The following BAZ2B variants were observed in gnomAD, a reference collection of about 807,000 sequenced individuals.
BAZ2B encodes bromodomain adjacent to zinc finger domain 2B, also known as bromodomain adjacent to zinc finger domain protein 2B.
In BAZ2B, 91 loss-of-function variants were observed where a neutral mutation model predicts 246.0. The ratio of observed to expected loss-of-function variants is 0.37; its 90% CI spans 0.31 to 0.44. The LOEUF is 0.44. Among genes scored for constraint, BAZ2B ranks in the 20% least tolerant of loss-of-function variants. The pLI is 1.00. For missense variants in BAZ2B, 2,332 were observed against 2,533.7 expected (o/e 0.92, Z 1.71); for synonymous variants, 855 against 860.0 (o/e 0.99, Z 0.10).
rs189802207 is a variant in BAZ2B, at chr2:159,555,831, A to G, written c.-11T>C. 27 of 140,360 alleles carry G rather than the reference A, an allele frequency of 1.9e-4. 1 individual carries two copies. In the East Asian group the frequency reaches 4.4e-3, roughly 23 times the overall value. The allele number at this position is 140,360 out of a possible 1,614,324, so 8.7% of individuals were successfully genotyped here. A position where few individuals can be genotyped will look rare whatever the true frequency, so the allele number is the denominator to read the frequency against. ...TATCATTTTGGTCTTACTGTGATCA[A>G]TGTGGTCAATCTTGTGACATCACTG... is the stretch of plus-strand genomic sequence containing the variant. On this transcript the variant is annotated 5_prime_UTR_variant, in exon 2 of 37. Transcript: ENST00000392783.
intron 1 of BAZ2B, among the ~76,000 whole-genome samples, chr2:159,582,165 C>G (rs889505555): frequency 3.3e-5 from 5 of 152,286 alleles, no homozygotes; most frequent in East Asian, 1.9e-4. Flanking sequence ...AATATATAAT[C>G]AAACTGCAGA....
the BAZ2B span, among the ~76,000 whole-genome samples, chr2:159,674,733 G>A: frequency 1.2e-4 from 17 of 147,192 alleles, no homozygotes; most frequent in East Asian, 2.0e-4. Flanking sequence ...AAAAAAAAAA[G>A]AATGGGGAAA....
In BAZ2B at chr2:159,446,871, T is replaced by C; in HGVS notation, c.607A>G (p.Thr203Ala). ...ASSSMGQTKSTSSGGGNRKCN... is the reference protein window; with the variant it reads ...ASSSMGQTKSASSGGGNRKCN... Reference sequence around the variant, plus strand: ...TTTCGATTTCCTCCACCTGAGCTTGTACTTTTAGTTTGTCCCATGGAACTT... The same window carrying C: ...TTTCGATTTCCTCCACCTGAGCTTGCACTTTTAGTTTGTCCCATGGAACTT... Residue 203 changes from threonine (T) to alanine (A), a missense_variant, in exon 6 of 37, where the codon ACA becomes GCA. Coordinates refer to ENST00000392783, the MANE Select transcript of BAZ2B (RefSeq NM_013450.4). 1 of 1,613,856 alleles carries C rather than the reference T, an allele frequency of 6.2e-7. No homozygotes were observed. Among genetic ancestry groups the C allele is most frequent in the Non-Finnish European group, 8.5e-7 (1 of 1,179,864 alleles).
chr2:159,567,293 T>C (rs1041776507), intron 1 of BAZ2B, among the ~76,000 whole-genome samples: 2 of 152,186 alleles, frequency 1.3e-5, no homozygotes, highest in Non-Finnish European at 2.9e-5. Flanking sequence ...GGGGGGAACC[T>C]ATAAATACAT....
the BAZ2B span, among the ~76,000 whole-genome samples, chr2:159,627,572 T>C: frequency 1.3e-5 from 2 of 152,234 alleles, no homozygotes; most frequent in East Asian, 3.9e-4. Flanking sequence ...AAAAACCACA[T>C]GATTATCTCA....
intron 31 of BAZ2B, among the ~76,000 whole-genome samples, chr2:159,339,472 T>C (rs2066257012): frequency 1.3e-5 from 2 of 152,180 alleles, no homozygotes; most frequent in South Asian, 4.1e-4. Context: ...GAGATCAAGA[T>C]AGACAACCAA....
intron 2 of BAZ2B, among the ~76,000 whole-genome samples, chr2:159,528,351 A>G (rs1029962336): frequency 6.6e-6 from 1 of 151,988 alleles, no homozygotes. Context: ...ATTTAGGGGG[A>G]AAAAAAGAAA....
intron 34 of BAZ2B, among the ~76,000 whole-genome samples, chr2:159,329,057 G>C (rs2064219571): frequency 6.6e-6 from 1 of 151,532 alleles, no homozygotes; most frequent in African/African-American, 2.4e-5. Flanking sequence ...GAACACGGGA[G>C]GTGGAGGTTG....
intron 27 of BAZ2B, 125 bp downstream of exon 27, chr2:159,372,920 G>C (rs530196951): frequency 1.4e-5 from 16 of 1,138,636 alleles, no homozygotes; most frequent in Non-Finnish European, 1.9e-5. Context: ...AAAGGAATGA[G>C]AATTAAGGTT....
chr2:159,364,407 T>C (rs1368285288), intron 27 of BAZ2B, among the ~76,000 whole-genome samples: 1 of 152,170 alleles, frequency 6.6e-6, no homozygotes, highest in Non-Finnish European at 1.5e-5. Context: ...CTTTTTTTCT[T>C]TTCGAGACAG....
At chr2:159,465,133 C>T (rs985786121) in intron 3 of BAZ2B, among the ~76,000 whole-genome samples, 2 of 152,130 alleles carry the variant, frequency 1.3e-5, no homozygotes, top group African/African-American at 2.4e-5. Context: ...GTCAACAAGG[C>T]CATGTTCCTT....
the BAZ2B span, among the ~76,000 whole-genome samples, chr2:159,652,046 C>T: frequency 6.6e-6 from 1 of 152,060 alleles, no homozygotes; most frequent in African/African-American, 2.4e-5. Flanking sequence ...TTATTCCACT[C>T]TTTTGGGTAT....
chr2:159,486,703 C>T (rs1275252582), intron 2 of BAZ2B, among the ~76,000 whole-genome samples: 1 of 150,832 alleles, frequency 6.6e-6, no homozygotes, highest in African/African-American at 2.4e-5. Flanking sequence ...TAGAAATATA[C>T]TCAAACACAT....
chr2:159,402,911 A>T (rs1172552310), intron 16 of BAZ2B, among the ~76,000 whole-genome samples: 1 of 152,246 alleles, frequency 6.6e-6, no homozygotes, highest in East Asian at 1.9e-4. Context: ...TCATTAAAAA[A>T]TCATAAAAGC....
chr2:159,462,742 A>C (rs2076566280), intron 3 of BAZ2B: 2 of 1,427,974 alleles, frequency 1.4e-6, no homozygotes, highest in Non-Finnish European at 2.0e-6. Context: ...ATCTCCAACG[A>C]CCATTCCAGA....
intron 2 of BAZ2B, among the ~76,000 whole-genome samples, chr2:159,511,663 C>G (rs182783826): frequency 1.3e-4 from 20 of 152,206 alleles, no homozygotes; most frequent in Admixed American, 2.6e-4. Context: ...CCAAATAAAA[C>G]AAATTTTAAA....
At chr2:159,334,479 C>A (rs977815048) in intron 33 of BAZ2B, among the ~76,000 whole-genome samples, 2 of 152,110 alleles carry the variant, frequency 1.3e-5, no homozygotes, top group Non-Finnish European at 2.9e-5. Context: ...CTAAAGATAT[C>A]GAGCACTTTA....
At chr2:159,600,761 G>T (rs1319160865) in intron 1 of BAZ2B, among the ~76,000 whole-genome samples, 1 of 152,088 alleles carries the variant, frequency 6.6e-6, no homozygotes, top group African/African-American at 2.4e-5. Context: ...TAGAATCATG[G>T]GGGGCCTATA....
the BAZ2B span, among the ~76,000 whole-genome samples, chr2:159,632,625 G>A: frequency 6.6e-6 from 1 of 152,262 alleles, no homozygotes; most frequent in Admixed American, 6.5e-5. Context: ...CCTGAAATCA[G>A]CCATGGTGGG....
Sources: allele counts gnomAD v4.1 joint callset (sites outside exome capture counted in the v4.1 genomes callset), GRCh38; gene constraint gnomAD v4.1.1; transcripts MANE v1.5; gene names NCBI Gene and HGNC (gene_info 2026-07-23, HGNC 2026-07-21).